Variants in DLG2 observed in about 807,000 individuals in gnomAD.
DLG2 encodes the protein discs large MAGUK scaffold protein 2, also known as disks large homolog 2.
DLG2 carries 45 observed loss-of-function variants against 132.5 expected under a neutral mutation model. The ratio of observed to expected loss-of-function variants is 0.34; its 90% CI spans 0.27 to 0.44. The LOEUF is 0.44. DLG2 is among the 20% of genes least tolerant of loss of function. DLG2 has a pLI of 1.00. For missense variants in DLG2, 1,045 were observed against 1,196.9 expected (o/e 0.87, Z 1.87); for synonymous variants, 424 against 419.6 (o/e 1.01, Z -0.13).
chr11:84,008,869 C>G (rs183924500), intron 11 of DLG2, among the ~76,000 whole-genome samples: 51 of 151,122 alleles, frequency 3.4e-4, no homozygotes, highest in Non-Finnish European at 8.9e-5. Context: ...GTGGATCACT[C>G]TCTTCTTTGT....
At chr11:84,004,088 C>T (rs527570728) in intron 11 of DLG2, among the ~76,000 whole-genome samples, 1 of 152,154 alleles carries the variant, frequency 6.6e-6, no homozygotes, top group African/African-American at 2.4e-5. Flanking sequence ...CTAACTCACT[C>T]TATGACCAGT....
intron 6 of DLG2, among the ~76,000 whole-genome samples, chr11:84,605,248 T>C (rs946655621): frequency 6.6e-6 from 1 of 151,980 alleles, no homozygotes; most frequent in African/African-American, 2.4e-5. Flanking sequence ...ATGATCATTC[T>C]TGAGTATTTC....
intron 14 of DLG2, among the ~76,000 whole-genome samples, chr11:83,936,078 A>T (rs931451632): frequency 6.6e-6 from 1 of 152,208 alleles, no homozygotes; most frequent in African/African-American, 2.4e-5. Flanking sequence ...TAACCTCAGA[A>T]AATGTTGGTC....
At chr11:84,695,156 T>C (rs977161445) in intron 6 of DLG2, among the ~76,000 whole-genome samples, 19 of 151,552 alleles carry the variant, frequency 1.3e-4, no homozygotes, top group African/African-American at 4.6e-4. Flanking sequence ...CCAAGCATTA[T>C]ACATCTACTA....
At chr11:84,343,309 T>A (rs553116226) in intron 7 of DLG2, among the ~76,000 whole-genome samples, 2 of 152,342 alleles carry the variant, frequency 1.3e-5, no homozygotes, top group South Asian at 4.1e-4. Context: ...ATTGCTATTA[T>A]AATTAGATAT....
intron 3 of DLG2, among the ~76,000 whole-genome samples, chr11:85,579,780 G>A (rs1479456578): frequency 6.6e-6 from 1 of 152,066 alleles, no homozygotes; most frequent in Non-Finnish European, 1.5e-5. Context: ...TCTGCCTCCT[G>A]AGTTCAAGCA....
In DLG2 at chr11:85,193,373, C is replaced by A. The variant is rs1595251772; in HGVS notation, c.187-38722G>T. Among the ~76,000 whole-genome samples the A allele has an allele frequency of 2.0e-5, 3 of 152,156 alleles. No individual in the cohort carries two copies. In the East Asian group the frequency reaches 5.8e-4, roughly 29 times the overall value. On this transcript the variant is annotated intron_variant, in intron 4 of 27. Transcript: ENST00000376104. Reference sequence around the variant, plus strand: ...CTATTATGAATAATGCTGCTATGAACATTCATATATAAGTTTTCATAGAAA... The same window carrying A: ...CTATTATGAATAATGCTGCTATGAAAATTCATATATAAGTTTTCATAGAAA...
At chr11:83,966,229 G>A (rs575504734) in intron 12 of DLG2, among the ~76,000 whole-genome samples, 48 of 151,974 alleles carry the variant, frequency 3.2e-4, no homozygotes, top group African/African-American at 1.0e-3. Context: ...AAGATGAACC[G>A]GTTTACTCTC....
At chr11:83,753,158 C>A (rs2093408282) in intron 18 of DLG2, among the ~76,000 whole-genome samples, 1 of 152,098 alleles carries the variant, frequency 6.6e-6, no homozygotes. Flanking sequence ...CGTGGTGGCT[C>A]ACACCTGTGA....
chr11:85,138,374 A>G (rs569060031), intron 5 of DLG2, among the ~76,000 whole-genome samples: 2 of 152,312 alleles, frequency 1.3e-5, no homozygotes, highest in African/African-American at 4.8e-5. Context: ...AATTTTTCCT[A>G]TTATACAATG....
At chr11:85,201,908 A>G (rs2081495492) in intron 4 of DLG2, among the ~76,000 whole-genome samples, 1 of 151,932 alleles carries the variant, frequency 6.6e-6, no homozygotes, top group Non-Finnish European at 1.5e-5. Context: ...AAAATAATAA[A>G]AAAAATTCTA....
chr11:83,479,716 T>C (rs2092943633), intron 22 of DLG2, among the ~76,000 whole-genome samples: 1 of 152,056 alleles, frequency 6.6e-6, no homozygotes, highest in Admixed American at 6.6e-5. Flanking sequence ...AACTTTTAAA[T>C]AGTTACCTAC....
chr11:85,266,996 C>T (rs1027476416), intron 4 of DLG2, among the ~76,000 whole-genome samples: 6 of 152,202 alleles, frequency 3.9e-5, no homozygotes, highest in African/African-American at 1.4e-4. Flanking sequence ...TGGACTTCCT[C>T]TATGCTCCCA....
chr11:83,494,488 C>T (rs555725064), intron 21 of DLG2, among the ~76,000 whole-genome samples: 11 of 151,628 alleles, frequency 7.3e-5, no homozygotes, highest in South Asian at 2.1e-4. Flanking sequence ...ACTGACTCTA[C>T]GTCCCACAAG....
At chr11:84,488,981 C>T (rs1386172945) in intron 7 of DLG2, among the ~76,000 whole-genome samples, 2 of 152,166 alleles carry the variant, frequency 1.3e-5, no homozygotes, top group African/African-American at 4.8e-5. Flanking sequence ...TAACTCACCA[C>T]AACTGCTCAA....
chr11:84,545,545 G>A, intron 6 of DLG2: 1 of 387,840 alleles, frequency 2.6e-6, no homozygotes, highest in South Asian at 2.2e-5. Context: ...TGCTTTGACA[G>A]GGATGAATTT....
intron 4 of DLG2, among the ~76,000 whole-genome samples, chr11:85,193,769 T>C (rs1443542598): frequency 6.6e-6 from 1 of 152,256 alleles, no homozygotes. Flanking sequence ...ATATGCTGAA[T>C]ACTTGACCCT....
intron 8 of DLG2, among the ~76,000 whole-genome samples, chr11:84,196,267 G>C (rs1349113036): frequency 3.3e-5 from 5 of 152,104 alleles, no homozygotes; most frequent in African/African-American, 1.2e-4. Flanking sequence ...TCTGACTCAA[G>C]AGACAAGAAA....
At chr11:85,561,331 CAAAAAAAAAAAAAAAA>C (rs1162562595) in intron 3 of DLG2, among the ~76,000 whole-genome samples, 883 of 12,512 alleles carry the variant, frequency 0.071, 21 homozygotes, top group African/African-American at 0.19. Flanking sequence ...GACCCTATCT[CAAAAAAAAAAAAAAAA>C]AAAAAAAAAA....
Sources: allele counts gnomAD v4.1 joint callset (sites outside exome capture counted in the v4.1 genomes callset), GRCh38; gene constraint gnomAD v4.1.1; transcripts MANE v1.5; gene names NCBI Gene and HGNC (gene_info 2026-07-23, HGNC 2026-07-21).